The following TUT4 variants were observed in gnomAD, a reference collection of about 807,000 sequenced individuals.
The protein encoded by TUT4 is terminal uridylyl transferase 4, also known as terminal uridylyltransferase 4.
In TUT4, 36 loss-of-function variants were observed where a neutral mutation model predicts 192.2. The observed-to-expected ratio is 0.19, with a 90% CI of 0.14 to 0.25. The LOEUF is 0.25. Ranked by LOEUF, TUT4 falls within the 10% of genes least tolerant of loss-of-function variation. The pLI is 1.00. For synonymous variants in TUT4, 618 were observed against 666.0 expected (o/e 0.93, Z 1.11); for missense variants, 1,493 against 1,957.2 (o/e 0.76, Z 4.47).
At chr1:52,504,403 G>A (rs992283872) in intron 4 of TUT4, among the ~76,000 whole-genome samples, 27 of 152,096 alleles carry the variant, frequency 1.8e-4, no homozygotes, top group African/African-American at 5.6e-4. Context: ...AGGCTGACGC[G>A]GGTGGATCAG....
intron 3 of TUT4, among the ~76,000 whole-genome samples, chr1:52,513,562 A>G (rs1677886021): frequency 6.6e-6 from 1 of 152,170 alleles, no homozygotes; most frequent in Non-Finnish European, 1.5e-5. Context: ...CTGGCACAGT[A>G]ACTTTACATC....
At chr1:52,481,353 T>C in intron 11 of TUT4, 70 bp downstream of exon 11, 1 of 1,502,264 alleles carries the variant, frequency 6.7e-7, no homozygotes, top group Non-Finnish European at 9.2e-7. Flanking sequence ...ACAATTAAAA[T>C]AGCTTCAATC....
intron 1 of TUT4, among the ~76,000 whole-genome samples, chr1:52,542,053 A>G (rs1303189866): frequency 6.6e-6 from 1 of 152,220 alleles, no homozygotes; most frequent in Non-Finnish European, 1.5e-5. Context: ...TATGACATGG[A>G]TGAACTTTGA....
At chr1:52,467,231 G>T (rs1664483025) in intron 15 of TUT4, among the ~76,000 whole-genome samples, 1 of 151,970 alleles carries the variant, frequency 6.6e-6, no homozygotes, top group African/African-American at 2.4e-5. Flanking sequence ...GCACATAATG[G>T]GTCATCTTGT....
chr1:52,488,812 G>T, intron 9 of TUT4, 97 bp downstream of exon 9: 2 of 1,221,166 alleles, frequency 1.6e-6, no homozygotes, highest in East Asian at 2.8e-5. Flanking sequence ...TGTTATGATT[G>T]ATGTTACATG....
In TUT4 at chr1:52,541,260, C is replaced by T. The variant is rs556293921; in HGVS notation, c.-94+11671G>A. On this transcript the variant is annotated intron_variant, in intron 1 of 29. Coordinates refer to ENST00000257177, the MANE Select transcript of TUT4 (RefSeq NM_001009881.3). ...TAAAACTTCTACATCAGGCTGGGCA[C>T]GGGGGCTCACGCCTGTAATCCTAGC... is the stretch of plus-strand genomic sequence containing the variant. Among the ~76,000 whole-genome samples, 16 of 149,358 alleles carry T rather than the reference C, an allele frequency of 1.1e-4. No homozygotes were observed. In the South Asian group the frequency reaches 2.1e-3, roughly 20 times the overall value.
intron 24 of TUT4, among the ~76,000 whole-genome samples, chr1:52,439,225 G>A (rs1348138744): frequency 6.6e-6 from 1 of 152,082 alleles, no homozygotes; most frequent in Non-Finnish European, 1.5e-5. Context: ...GCGAAACTCT[G>A]TCTCTAAAAA....
chr1:52,463,480 C>T, intron 16 of TUT4: 1 of 1,050,814 alleles, frequency 9.5e-7, no homozygotes. Context: ...AATTTCAAAA[C>T]CACCGTTCAA....
At chr1:52,533,466 T>C (rs1323472464) in intron 1 of TUT4, among the ~76,000 whole-genome samples, 1 of 152,204 alleles carries the variant, frequency 6.6e-6, no homozygotes, top group Non-Finnish European at 1.5e-5. Flanking sequence ...TTTGGTTTTG[T>C]TGTTGCTGTT....
intron 7 of TUT4, among the ~76,000 whole-genome samples, chr1:52,493,157 C>T (rs1671608821): frequency 6.6e-6 from 1 of 152,182 alleles, no homozygotes; most frequent in South Asian, 2.1e-4. Flanking sequence ...AATCTCAGCT[C>T]ACTGCAACCT....
intron 24 of TUT4, among the ~76,000 whole-genome samples, chr1:52,440,911 T>G (rs1136915): frequency 0.35 from 53,534 of 152,106 alleles, 13,066 homozygotes; most frequent in African/African-American, 0.7. Context: ...ACTAAGAATA[T>G]AATTATTTTG....
intron 18 of TUT4, 79 bp downstream of exon 18, chr1:52,461,434 A>T (rs1557721609): frequency 7.2e-7 from 1 of 1,390,424 alleles, no homozygotes; most frequent in Admixed American, 2.1e-5. Context: ...TTCACATTTG[A>T]AAGTTTTAAA....
intron 3 of TUT4, among the ~76,000 whole-genome samples, chr1:52,511,651 G>A (rs1006946799): frequency 2.6e-5 from 4 of 152,118 alleles, no homozygotes; most frequent in Admixed American, 2.0e-4. Flanking sequence ...AGAGGGAAAA[G>A]TGAATGCCAA....
chr1:52,507,633 A>T (rs1206501861), intron 4 of TUT4, among the ~76,000 whole-genome samples: 1 of 152,120 alleles, frequency 6.6e-6, no homozygotes. Flanking sequence ...CTAATCTGAA[A>T]ATCCAAAATG....
At chr1:52,478,526 T>C (rs773931689) in intron 11 of TUT4, among the ~76,000 whole-genome samples, 2 of 152,206 alleles carry the variant, frequency 1.3e-5, no homozygotes, top group Non-Finnish European at 2.9e-5. Flanking sequence ...TTCCATGAAG[T>C]GGATACTATA....
chr1:52,468,508 T>G lies in TUT4; in HGVS notation c.2879-241A>C, dbSNP rs139060006. The G allele has an allele frequency of 4.5e-3, 1,849 of 411,128 alleles. 24 individuals carry two copies. Among genetic ancestry groups the G allele is most frequent in the African/African-American group, 0.036 (1,722 of 48,184 alleles). 25.5% of individuals were successfully genotyped at this position (411,128 alleles called of 1,614,324 possible). Reference sequence around the variant, plus strand: ...AAAATAAATGAAACAGAAAAATAATTTTTAAGATATATGTACATTTCACAT... The same window carrying G: ...AAAATAAATGAAACAGAAAAATAATGTTTAAGATATATGTACATTTCACAT... On this transcript the variant is annotated intron_variant, in intron 14 of 29. Transcript: ENST00000257177.
chr1:52,439,194 C>T (rs1315051280), intron 24 of TUT4, among the ~76,000 whole-genome samples: 1 of 152,006 alleles, frequency 6.6e-6, no homozygotes, highest in Non-Finnish European at 1.5e-5. Flanking sequence ...ATAGCCACTG[C>T]ACTCCAGCCT....
rs1670894962 is a variant in TUT4, at chr1:52,490,530, A to G, written c.1388+202T>C. On this transcript the variant is annotated intron_variant, in intron 8 of 29. Transcript: ENST00000257177. ...ATTGAAGTTTTGCCTAGAGTATTTTATTTTCAACTGTCTGATGTTCTATAT... is the reference window on the plus strand; with the variant it reads ...ATTGAAGTTTTGCCTAGAGTATTTTGTTTTCAACTGTCTGATGTTCTATAT... Among the ~76,000 whole-genome samples the G allele has an allele frequency of 6.6e-5, 10 of 151,734 alleles. No homozygotes were observed. The South Asian group carries it at 2.1e-3, about 32-fold the overall frequency.
chr1:52,438,132 C>G, intron 25 of TUT4, 88 bp downstream of exon 25: 2 of 1,044,750 alleles, frequency 1.9e-6, no homozygotes, highest in East Asian at 2.4e-5. Context: ...TAAACTTTCT[C>G]AGTTAAACAT....
Sources: gnomAD v4.1 joint callset for allele counts (sites outside exome capture counted in the v4.1 genomes callset) on GRCh38, gnomAD v4.1.1 for gene constraint, MANE v1.5 for transcripts, NCBI Gene and HGNC (gene_info 2026-07-23, HGNC 2026-07-21) for gene names.